Variants in RABGAP1L observed in about 807,000 individuals in gnomAD.
The protein encoded by RABGAP1L is rab GTPase-activating protein 1-like.
Under a neutral mutation model 137.7 loss-of-function variants are expected in RABGAP1L, and 63 were observed. That is an observed-to-expected ratio of 0.46 (90% confidence interval 0.37 to 0.56). The LOEUF is 0.56. Among genes scored for constraint, RABGAP1L ranks in the 20% least tolerant of loss-of-function variants. The probability of loss-of-function intolerance (pLI) is 0.00; values close to 1 mark genes in which losing one functional copy is unlikely to be tolerated. For synonymous variants in RABGAP1L, 431 were observed against 433.7 expected (o/e 0.99, Z 0.08); for missense variants, 1,095 against 1,244.0 (o/e 0.88, Z 1.80).
At chr1:174,596,130 G>T (rs935291944) in intron 13 of RABGAP1L, among the ~76,000 whole-genome samples, 20 of 136,126 alleles carry the variant, frequency 1.5e-4, no homozygotes, top group Non-Finnish European at 2.5e-4. Context: ...AGGTGCGTCC[G>T]TCACCCCTTT....
At chr1:174,488,654 A>G (rs927318263) in intron 13 of RABGAP1L, among the ~76,000 whole-genome samples, 3 of 151,896 alleles carry the variant, frequency 2.0e-5, no homozygotes, top group Non-Finnish European at 2.9e-5. Context: ...TTTAAGGCCA[A>G]TAACTCTTAG....
At chr1:174,354,875 A>G (rs1258336580) in intron 11 of RABGAP1L, among the ~76,000 whole-genome samples, 4 of 152,236 alleles carry the variant, frequency 2.6e-5, no homozygotes, top group Non-Finnish European at 4.4e-5. Context: ...AACTTTCTAC[A>G]TATGGCTAGC....
chr1:174,435,528 C>CT (rs1219333526), intron 13 of RABGAP1L, among the ~76,000 whole-genome samples: 4 of 151,876 alleles, frequency 2.6e-5, no homozygotes, highest in Admixed American at 2.6e-4. Flanking sequence ...GAAAATTTTC[C>CT]TTTTTCCTTG....
At chr1:174,792,207 G>C (rs1414443527) in intron 18 of RABGAP1L, among the ~76,000 whole-genome samples, 1 of 152,130 alleles carries the variant, frequency 6.6e-6, no homozygotes, top group African/African-American at 2.4e-5. Context: ...TTAGACCTTG[G>C]TGTTTTCTAG....
At chr1:174,917,867 A>G (rs1011618661) in intron 19 of RABGAP1L, among the ~76,000 whole-genome samples, 1 of 148,592 alleles carries the variant, frequency 6.7e-6, no homozygotes, top group African/African-American at 2.5e-5. Flanking sequence ...TGGGAGGCAG[A>G]GTTGCAGTGT....
intron 1 of RABGAP1L, among the ~76,000 whole-genome samples, chr1:174,185,494 T>C (rs988095254): frequency 3.3e-5 from 5 of 152,212 alleles, no homozygotes; most frequent in Non-Finnish European, 7.4e-5. Flanking sequence ...TTTTCTCCTT[T>C]ATTTTAAAAT....
rs140937369 is a variant in RABGAP1L at position 174,617,930 on chromosome 1, G to A, written c.1711-19445G>A. Reference sequence around the variant, plus strand: ...GTGACATATGGCACCTGGAAAATCGGGTCACTCCCACCCGAATACTGCACT... The same window carrying A: ...GTGACATATGGCACCTGGAAAATCGAGTCACTCCCACCCGAATACTGCACT... On this transcript the variant is annotated intron_variant, in intron 13 of 25. Coordinates refer to ENST00000681986, the MANE Select transcript of RABGAP1L (RefSeq NM_001366446.1). Among the ~76,000 whole-genome samples the A allele has an allele frequency of 5.5e-3, 830 of 152,108 alleles. 2 individuals carry two copies. The highest frequency in any genetic ancestry group is 0.01 in the Middle Eastern group (3 of 294).
chr1:174,802,748 T>C (rs1222157936), intron 18 of RABGAP1L, among the ~76,000 whole-genome samples: 1 of 152,212 alleles, frequency 6.6e-6, no homozygotes, highest in African/African-American at 2.4e-5. Flanking sequence ...GTTCTTTAAT[T>C]AGCAATATGG....
chr1:174,786,471 AC>A (rs1198727482), intron 18 of RABGAP1L, among the ~76,000 whole-genome samples: 1 of 152,160 alleles, frequency 6.6e-6, no homozygotes, highest in Non-Finnish European at 1.5e-5. Flanking sequence ...GAAGCCAATA[AC>A]TTCTGAACTC....
At chr1:174,176,726 A>ATAAATAAAT (rs1186319790) in intron 1 of RABGAP1L, among the ~76,000 whole-genome samples, 3 of 130,504 alleles carry the variant, frequency 2.3e-5, no homozygotes, top group Admixed American at 2.3e-4. Flanking sequence ...AAAAAAAAAA[A>ATAAATAAAT]AAAAAAAAAA....
chr1:174,857,669 A>T (rs1049840363), intron 19 of RABGAP1L, among the ~76,000 whole-genome samples: 4 of 151,974 alleles, frequency 2.6e-5, no homozygotes, highest in Non-Finnish European at 5.9e-5. Flanking sequence ...GAATTTCAAT[A>T]ATATCTACAC....
At chr1:174,882,387 T>G (rs1021341250) in intron 19 of RABGAP1L, among the ~76,000 whole-genome samples, 3 of 152,220 alleles carry the variant, frequency 2.0e-5, no homozygotes, top group Admixed American at 6.5e-5. Flanking sequence ...AGTAACCCTG[T>G]GTCTTTCTTA....
intron 19 of RABGAP1L, among the ~76,000 whole-genome samples, chr1:174,821,407 C>T (rs1691009886): frequency 6.6e-6 from 1 of 152,196 alleles, no homozygotes; most frequent in African/African-American, 2.4e-5. Context: ...AAGCTCTGCT[C>T]CAGCTCAATT....
chr1:174,447,239 A>G (rs1458898728), intron 13 of RABGAP1L, among the ~76,000 whole-genome samples: 1 of 152,202 alleles, frequency 6.6e-6, no homozygotes, highest in Non-Finnish European at 1.5e-5. Context: ...ATGCAGAATT[A>G]AAACTTCAGA....
At chr1:174,979,461 TG>T (rs1163853331) in intron 23 of RABGAP1L, among the ~76,000 whole-genome samples, 2 of 152,232 alleles carry the variant, frequency 1.3e-5, no homozygotes, top group Non-Finnish European at 2.9e-5. Flanking sequence ...AACCTTTTGA[TG>T]ACTACTGAGA....
intron 10 of RABGAP1L, among the ~76,000 whole-genome samples, chr1:174,279,904 A>G (rs1675344887): frequency 6.6e-6 from 1 of 152,124 alleles, no homozygotes; most frequent in South Asian, 2.1e-4. Context: ...ATAGTTGCAT[A>G]ATCGTGAATA....
At chr1:174,651,274 A>C (rs1206589219) in intron 14 of RABGAP1L, among the ~76,000 whole-genome samples, 7 of 152,078 alleles carry the variant, frequency 4.6e-5, no homozygotes, top group African/African-American at 9.7e-5. Flanking sequence ...CAATTTTGGA[A>C]TAGGTGTGGT....
At chr1:174,424,561 G>GT (rs1293561282) in intron 13 of RABGAP1L, among the ~76,000 whole-genome samples, 1 of 152,028 alleles carries the variant, frequency 6.6e-6, no homozygotes, top group African/African-American at 2.4e-5. Context: ...TTTGGCAGCA[G>GT]TTGGCTTTTT....
chr1:174,656,145 A>C (rs1253662806), intron 14 of RABGAP1L, among the ~76,000 whole-genome samples: 3 of 152,216 alleles, frequency 2.0e-5, no homozygotes, highest in Non-Finnish European at 4.4e-5. Context: ...TAATTCACAT[A>C]ACATTCACCC....
Sources: allele counts gnomAD v4.1 joint callset (sites outside exome capture counted in the v4.1 genomes callset), GRCh38; gene constraint gnomAD v4.1.1; transcripts MANE v1.5; gene names NCBI Gene and HGNC (gene_info 2026-07-23, HGNC 2026-07-21).